Variants in RCAN2 observed in about 807,000 individuals in gnomAD.
RCAN2 encodes the protein calcipressin-2.
Under a neutral mutation model 23.6 loss-of-function variants are expected in RCAN2, and 9 were observed. The observed-to-expected ratio is 0.38, with a 90% CI of 0.23 to 0.67. The LOEUF (loss-of-function observed/expected upper bound fraction) is 0.67, where lower values mean the gene tolerates loss of function less well. RCAN2 is among the 30% of genes least tolerant of loss of function. The pLI is 0.51. For synonymous variants in RCAN2, 109 were observed against 115.7 expected (o/e 0.94, Z 0.37); for missense variants, 273 against 302.3 (o/e 0.90, Z 0.72).
chr6:46,313,713 G>A (rs1265538294), intron 2 of RCAN2, among the ~76,000 whole-genome samples: 1 of 152,000 alleles, frequency 6.6e-6, no homozygotes, highest in Non-Finnish European at 1.5e-5. Flanking sequence ...ATATAATTTG[G>A]GGAACTCTTC....
chr6:46,326,059 C>T (rs868137915), intron 2 of RCAN2, among the ~76,000 whole-genome samples: 83 of 152,262 alleles, frequency 5.5e-4, no homozygotes, highest in Middle Eastern at 3.4e-3. Flanking sequence ...TGCTCTGTGC[C>T]ACTCAGAGCA....
chr6:46,385,823 C>A (rs1450899198), intron 2 of RCAN2, among the ~76,000 whole-genome samples: 4 of 131,908 alleles, frequency 3.0e-5, no homozygotes, highest in African/African-American at 1.1e-4. Flanking sequence ...TGCCATTGCA[C>A]TCCAGCCTGG....
At chr6:46,360,956 CA>C (rs1764992917) in intron 2 of RCAN2, among the ~76,000 whole-genome samples, 1 of 152,170 alleles carries the variant, frequency 6.6e-6, no homozygotes, top group Non-Finnish European at 1.5e-5. Context: ...TCCCTACCCC[CA>C]TGTATGTGTA....
intron 4 of RCAN2, among the ~76,000 whole-genome samples, chr6:46,225,372 A>G (rs1360886997): frequency 6.6e-6 from 1 of 152,310 alleles, no homozygotes; most frequent in Non-Finnish European, 1.5e-5. Context: ...TCTTCCACAA[A>G]GGCTGAACTA....
At chr6:46,278,224 TTTACTTTAACTTTGTATTTTGATATAA>T (rs1215075890) in intron 2 of RCAN2, among the ~76,000 whole-genome samples, 13 of 152,250 alleles carry the variant, frequency 8.5e-5, no homozygotes, top group African/African-American at 2.4e-4. Context: ...TTTAAAGTAA[TTTACTTTAACTTTGTATTTTGATATAA>T]TTTCAAGATT....
chr6:46,458,897 G>A (rs201246344), intron 1 of RCAN2, among the ~76,000 whole-genome samples: 3 of 54,818 alleles, frequency 5.5e-5, no homozygotes, highest in Admixed American at 2.2e-4. Flanking sequence ...GCGCGCGCAC[G>A]TGTGTGTGTG....
At position 46,371,653 on chromosome 6, in the gene RCAN2, T is replaced by G. The variant is rs187144813; in HGVS notation, c.225+85099A>C. On this transcript the variant is annotated intron_variant, in intron 2 of 4. Coordinates refer to ENST00000371374, the MANE Select transcript of RCAN2 (RefSeq NM_001251974.2). Reference sequence around the variant, plus strand: ...TTGTTTACAGGACTTGAAGGCTAGATGCCCATAGTCAGCCAATCACTGACA... The same window carrying G: ...TTGTTTACAGGACTTGAAGGCTAGAGGCCCATAGTCAGCCAATCACTGACA... 1.9e-4 allele frequency among the ~76,000 whole-genome samples: 29 copies of G among 152,370 alleles called. No homozygotes were observed. In the East Asian group the frequency reaches 5.0e-3, roughly 26 times the overall value.
At chr6:46,451,299 G>A (rs1301192818) in intron 2 of RCAN2, among the ~76,000 whole-genome samples, 3 of 152,088 alleles carry the variant, frequency 2.0e-5, no homozygotes, top group South Asian at 2.1e-4. Flanking sequence ...CTGGGCACAG[G>A]GCTCATATTG....
intron 2 of RCAN2, among the ~76,000 whole-genome samples, chr6:46,278,925 T>C (rs1053066461): frequency 1.3e-5 from 2 of 152,202 alleles, no homozygotes; most frequent in Non-Finnish European, 2.9e-5. Context: ...CTTGATCTAA[T>C]ATAGTCAGAG....
intron 4 of RCAN2, among the ~76,000 whole-genome samples, chr6:46,230,271 C>G (rs6920872): frequency 0.013 from 1,926 of 152,260 alleles, 43 homozygotes; most frequent in African/African-American, 0.044. Flanking sequence ...TCTCCAACTC[C>G]GTGCTTGGAG....
Position 46,262,588 on chromosome 6 carries a change from T to TTAAATAAATAAATAAATAAATAAATAAA in RCAN2, c.226-13720_226-13693dup, listed in dbSNP as rs10526400. Among the ~76,000 whole-genome samples the TTAAATAAATAAATAAATAAATAAATAAA allele has an allele frequency of 1.1e-3, 165 of 146,584 alleles. 1 individual carries two copies. Among genetic ancestry groups the TTAAATAAATAAATAAATAAATAAATAAA allele is most frequent in the African/African-American group, 3.9e-3 (152 of 39,330 alleles). Reference sequence around the variant, plus strand: ...CTTGGCAATATAGTGAGCCTCTGTCTTAAATAAATAAATAAATAAATAAAT... The same window carrying TTAAATAAATAAATAAATAAATAAATAAA: ...CTTGGCAATATAGTGAGCCTCTGTCTTAAATAAATAAATAAATAAATAAATAAATAAATAAATAAATAAATAAATAAAT... On this transcript the variant is annotated intron_variant, in intron 2 of 4. Coordinates refer to ENST00000371374, the MANE Select transcript of RCAN2 (RefSeq NM_001251974.2).
chr6:46,366,679 C>T (rs1367795090), intron 2 of RCAN2, among the ~76,000 whole-genome samples: 1 of 152,022 alleles, frequency 6.6e-6, no homozygotes, highest in Non-Finnish European at 1.5e-5. Context: ...CCAGGGATGT[C>T]TGATCACCTG....
chr6:46,386,636 C>G (rs1392187216), intron 2 of RCAN2, among the ~76,000 whole-genome samples: 1 of 125,628 alleles, frequency 8.0e-6, no homozygotes, highest in Non-Finnish European at 1.8e-5. Context: ...AAAAACTAAA[C>G]TAAAAACTAA....
At chr6:46,469,527 G>C (rs1181654867) in intron 1 of RCAN2, among the ~76,000 whole-genome samples, 1 of 152,166 alleles carries the variant, frequency 6.6e-6, no homozygotes, top group Non-Finnish European at 1.5e-5. Context: ...TGAGGCAGTA[G>C]AGGAAACAAG....
chr6:46,450,030 A>G (rs1767830537), intron 2 of RCAN2, among the ~76,000 whole-genome samples: 1 of 151,886 alleles, frequency 6.6e-6, no homozygotes, highest in Admixed American at 6.6e-5. Context: ...AATATTTGCA[A>G]AGAGAGAAAA....
intron 2 of RCAN2, among the ~76,000 whole-genome samples, chr6:46,337,511 A>G (rs1417058304): frequency 6.6e-6 from 1 of 152,232 alleles, no homozygotes; most frequent in East Asian, 1.9e-4. Context: ...AAAGTGCAAA[A>G]AGACTTCTAG....
intron 2 of RCAN2, among the ~76,000 whole-genome samples, chr6:46,364,987 G>C (rs1765126917): frequency 6.6e-6 from 1 of 152,084 alleles, no homozygotes; most frequent in Non-Finnish European, 1.5e-5. Context: ...TTTATCTCAA[G>C]TCTTTACTCA....
intron 2 of RCAN2, among the ~76,000 whole-genome samples, chr6:46,406,006 CGGGT>C (rs1766394576): frequency 6.6e-6 from 1 of 152,238 alleles, no homozygotes; most frequent in Non-Finnish European, 1.5e-5. Context: ...GCCACTGGCC[CGGGT>C]GCTAAGTCCC....
chr6:46,292,395 C>T (rs2150345898), intron 2 of RCAN2, among the ~76,000 whole-genome samples: 1 of 147,648 alleles, frequency 6.8e-6, no homozygotes, highest in South Asian at 2.1e-4. Context: ...TTATGCTATC[C>T]TTTTGCCATA....
Sources: gnomAD v4.1 joint callset for allele counts (sites outside exome capture counted in the v4.1 genomes callset) on GRCh38, gnomAD v4.1.1 for gene constraint, MANE v1.5 for transcripts, NCBI Gene and HGNC (gene_info 2026-07-23, HGNC 2026-07-21) for gene names.